UBASH3A: variants seen among roughly 807,000 people sequenced by gnomAD.
UBASH3A encodes the protein ubiquitin associated and SH3 domain containing A.
Under a neutral mutation model 73.5 loss-of-function variants are expected in UBASH3A, and 63 were observed. That is an observed-to-expected ratio of 0.86 (90% CI 0.70 to 1.06). The LOEUF (loss-of-function observed/expected upper bound fraction) is 1.06, where lower values mean the gene tolerates loss of function less well. UBASH3A is among the 50% of genes least tolerant of loss of function. The pLI is 0.00. For missense variants in UBASH3A, 860 were observed against 859.0 expected, an observed-to-expected ratio of 1.00 and a Z score of -0.02; for synonymous variants, 363 against 351.1, an observed-to-expected ratio of 1.03 and a Z score of -0.38.
At chr21:42,423,598 A>C (rs1404546043) in intron 7 of UBASH3A, among the ~76,000 whole-genome samples, 1 of 152,172 alleles carries the variant, frequency 6.6e-6, no homozygotes, top group Non-Finnish European at 1.5e-5. Context: ...GGAGAGTTTC[A>C]CAGTCACAGA....
rs558351615 is a variant in UBASH3A at position 42,408,218 on chromosome 21, A to G, written c.168-1204A>G. Among the ~76,000 whole-genome samples the G allele has an allele frequency of 7.9e-5, 12 of 152,346 alleles. No homozygotes were observed. The South Asian group carries it at 2.3e-3, about 29-fold the overall frequency. On this transcript the variant is annotated intron_variant, in intron 2 of 14. Transcript: ENST00000319294. Reference sequence around the variant, plus strand: ...GTCTTGCGTAAGTTCTGTTTCCTCTAGTGATTGAATACTACTTTCTAAATT... The same window carrying G: ...GTCTTGCGTAAGTTCTGTTTCCTCTGGTGATTGAATACTACTTTCTAAATT...
At chr21:42,445,480 C>G (rs3788015) in intron 14 of UBASH3A, among the ~76,000 whole-genome samples, 26,401 of 152,224 alleles carry the variant, frequency 0.17, 2,327 homozygotes, top group Admixed American at 0.2. Flanking sequence ...TTGTGGGCAG[C>G]AGTGGGGGTT....
rs528533113 is a variant in UBASH3A at position 42,432,210 on chromosome 21, A to C, written c.1270+8A>C. ...AATGCTCCACTCCTGATGGTAGGTC[A>C]CACTCAGGCGGGTCTACGGACAGAA... is the stretch of plus-strand genomic sequence containing the variant. On this transcript the variant is annotated splice_region_variant and intron_variant, in intron 9 of 14. Coordinates refer to ENST00000319294, the MANE Select transcript of UBASH3A (RefSeq NM_018961.4). 118 of 1,599,298 alleles carry C rather than the reference A, an allele frequency of 7.4e-5. No homozygotes were observed. Among genetic ancestry groups the C allele is most frequent in the Non-Finnish European group, 9.7e-5 (113 of 1,167,532 alleles).
chr21:42,412,249 G>A (rs998358686), intron 3 of UBASH3A, among the ~76,000 whole-genome samples: 7 of 152,162 alleles, frequency 4.6e-5, no homozygotes, highest in East Asian at 1.9e-4. Context: ...CAAGGCTGTC[G>A]GGCCAGCACC....
intron 8 of UBASH3A, among the ~76,000 whole-genome samples, chr21:42,430,800 C>T (rs563991667): frequency 3.9e-5 from 6 of 152,310 alleles, no homozygotes; most frequent in East Asian, 3.9e-4. Flanking sequence ...CTCCCCCCTG[C>T]GGTGCCATGT....
At chr21:42,411,426 A>G (rs368409271) in intron 3 of UBASH3A, among the ~76,000 whole-genome samples, 1 of 152,036 alleles carries the variant, frequency 6.6e-6, no homozygotes, top group Admixed American at 6.6e-5. Context: ...ACATACATAG[A>G]CAAATGCACA....
Position 42,413,139 on chromosome 21 carries a change from T to C in UBASH3A, c.470T>C (p.Leu157Pro). The change falls in exon 4 of 15, where the codon CTC becomes CCC. Residue 157 changes from leucine to proline, a missense_variant. Physicochemically the swap from Leu to Pro is moderately conservative, Grantham distance 98. Coordinates refer to ENST00000319294, the MANE Select transcript of UBASH3A (RefSeq NM_018961.4). The surrounding 1 kb of genome is among the most constrained non-coding windows in gnomAD (Gnocchi z 4.5). ...PLALHSSISYLGFFVSGSPAD... is the reference protein window; with the variant it reads ...PLALHSSISYPGFFVSGSPAD... ...GCTCTCCACTCCTCCATCAGCTACC[T>C]CGGCTTCTTCGTCAGTGGCAGCCCC... 6.2e-7 allele frequency: 1 copy of C among 1,614,204 alleles called. No individual in the cohort carries two copies. Among genetic ancestry groups the C allele is most frequent in the Non-Finnish European group, 8.5e-7 (1 of 1,180,038 alleles).
Position 42,443,423 on chromosome 21 carries a change from G to A in UBASH3A, c.1738+5G>A. ...TCAACACCTGTCCACAGGACAGTAA[G>A]TGCCTCACCATCCTCAGTATGAACA... On this transcript the variant is annotated splice_donor_5th_base_variant and intron_variant, in intron 13 of 14. Transcript: ENST00000319294. 6.3e-7 allele frequency: 1 copy of A among 1,597,842 alleles called. No individual in the cohort carries two copies. The highest frequency in any genetic ancestry group is 8.5e-7 in the Non-Finnish European group (1 of 1,171,828).
chr21:42,424,176 A>G (rs1275218325), intron 7 of UBASH3A, among the ~76,000 whole-genome samples: 1 of 151,960 alleles, frequency 6.6e-6, no homozygotes, highest in Non-Finnish European at 1.5e-5. Flanking sequence ...GTCAGGACTC[A>G]CACTTGCACG....
At chr21:42,422,612 A>G (rs1189741259) in intron 7 of UBASH3A, among the ~76,000 whole-genome samples, 1 of 152,240 alleles carries the variant, frequency 6.6e-6, no homozygotes, top group African/African-American at 2.4e-5. Flanking sequence ...TAAAATTTAA[A>G]AATAAGTCCA....
intron 1 of UBASH3A, 29 bp downstream of exon 1, chr21:42,404,087 C>A (rs1489629342): frequency 1.5e-6 from 2 of 1,335,380 alleles, no homozygotes; most frequent in South Asian, 3.4e-5. Flanking sequence ...CCCCGGGGCC[C>A]AGCCAGTAAG....
chr21:42,416,726 G>C, intron 6 of UBASH3A, 115 bp downstream of exon 6: 1 of 1,024,720 alleles, frequency 9.8e-7, no homozygotes, highest in Non-Finnish European at 1.3e-6. Flanking sequence ...GAGGTCAGGA[G>C]ATGGAGACCA....
At chr21:42,443,278 C>T (rs759804268) in intron 12 of UBASH3A, 34 bp from the exon 13 acceptor site, 7 of 1,596,510 alleles carry the variant, frequency 4.4e-6, no homozygotes, top group Non-Finnish European at 6.0e-6. Flanking sequence ...TACGAAAGTG[C>T]CAGGGCAGCA....
At chr21:42,426,873 T>C in intron 8 of UBASH3A, 53 bp downstream of exon 8, 4 of 1,592,376 alleles carry the variant, frequency 2.5e-6, no homozygotes, top group Non-Finnish European at 3.4e-6. Flanking sequence ...AACTACACTT[T>C]GTATTAACTT....
In UBASH3A at chr21:42,439,603, A is replaced by G. The variant is rs192370086; in HGVS notation, c.1486+2023A>G. On this transcript the variant is annotated intron_variant, in intron 11 of 14. Coordinates refer to ENST00000319294, the MANE Select transcript of UBASH3A (RefSeq NM_018961.4). ...CCCGAGGGCAAGCAAGGCTTCCACA[A>G]TCCTTGTCTCTCCTCACAACGCTGG... 1.3e-3 allele frequency among the ~76,000 whole-genome samples: 203 copies of G among 152,096 alleles called. 1 individual carries two copies. Among genetic ancestry groups the G allele is most frequent in the African/African-American group, 4.6e-3 (191 of 41,466 alleles).
rs373641053 is a variant in UBASH3A, at chr21:42,404,730, G to A, written c.113+672G>A. 3.3e-5 allele frequency among the ~76,000 whole-genome samples: 5 copies of A among 152,310 alleles called. 1 individual carries two copies. The highest frequency in any genetic ancestry group is 3.9e-4 in the East Asian group (2 of 5,182). On this transcript the variant is annotated intron_variant, in intron 1 of 14. Transcript: ENST00000319294. ...GCAGGGCTGTGCTTCCACGCTGCCC[G>A]GGGAAAGTCACTTGTCCTCAGAGAC...
intron 9 of UBASH3A, among the ~76,000 whole-genome samples, chr21:42,432,719 G>C (rs572698941): frequency 6.6e-6 from 1 of 152,196 alleles, no homozygotes; most frequent in Admixed American, 6.5e-5. Context: ...AACCCTTTTG[G>C]GATCCCCCTC....
rs778198449 is a variant in UBASH3A, at chr21:42,406,292, G to A, written c.114-16G>A. On this transcript the variant is annotated splice_polypyrimidine_tract_variant and intron_variant, in intron 1 of 14. Transcript: ENST00000319294. ...ATGGGCGACGTGACTTTGTGTCTGT[G>A]TCTGCTCTTCTGCAGGCTGAAAGCG... The A allele has an allele frequency of 7.4e-6, 12 of 1,613,278 alleles. No homozygotes were observed. The South Asian group carries it at 1.3e-4, about 18-fold the overall frequency.
Position 42,447,116 on chromosome 21 carries a change from G to A in UBASH3A, c.1908G>A (p.Leu636=), listed in dbSNP as rs1330907526. 7 of 1,614,088 alleles carry A rather than the reference G, an allele frequency of 4.3e-6. No homozygotes were observed. Among genetic ancestry groups the A allele is most frequent in the Non-Finnish European group, 5.1e-6 (6 of 1,179,976 alleles). Residue 636 remains leucine, a synonymous_variant, in exon 15 of 15, where the codon TTG becomes TTA. Coordinates refer to ENST00000319294, the MANE Select transcript of UBASH3A (RefSeq NM_018961.4). Reference sequence around the variant, plus strand: ...ATAAAGAGGAAGGAAAATGGGAGTTGGTGAACCCACCGGTGAAGACCCTGA... The same window carrying A: ...ATAAAGAGGAAGGAAAATGGGAGTTAGTGAACCCACCGGTGAAGACCCTGA... ...EENKEEGKWE[L]VNPPVKTLTH... is the part of the protein sequence containing the mutation.
Sources: gnomAD v4.1 joint callset for allele counts (sites outside exome capture counted in the v4.1 genomes callset) on GRCh38, gnomAD v4.1.1 for gene constraint, Gnocchi (gnomAD v3.1) non-coding constraint, MANE v1.5 for transcripts, NCBI Gene and HGNC (gene_info 2026-07-23, HGNC 2026-07-21) for gene names.